Variants in HIKESHI observed in about 807,000 individuals in gnomAD.
HIKESHI encodes the protein heat shock protein nuclear import factor hikeshi.
In HIKESHI, 13 loss-of-function variants were observed where a neutral mutation model predicts 25.7. That is an observed-to-expected ratio of 0.51 (90% CI 0.33 to 0.80). HIKESHI has a LOEUF of 0.80. Ranked by LOEUF, HIKESHI falls within the 30% of genes least tolerant of loss-of-function variation. The probability of loss-of-function intolerance (pLI) is 0.02; values close to 1 mark genes in which losing one functional copy is unlikely to be tolerated. For missense variants in HIKESHI, 174 were observed against 229.5 expected (o/e 0.76, Z 1.56); for synonymous variants, 76 against 78.7 (o/e 0.97, Z 0.18).
chr11:86,341,126 G>T (rs1947714191), intron 3 of HIKESHI, among the ~76,000 whole-genome samples: 1 of 152,082 alleles, frequency 6.6e-6, no homozygotes, highest in Non-Finnish European at 1.5e-5. Flanking sequence ...TTCTGTTATA[G>T]ATGTTTTCTA....
At chr11:86,328,428 TTTTTTG>T (rs1260932959) in intron 2 of HIKESHI, among the ~76,000 whole-genome samples, 1 of 146,696 alleles carries the variant, frequency 6.8e-6, no homozygotes, top group Non-Finnish European at 1.5e-5. Context: ...GCAGCTAATG[TTTTTTG>T]TTTTTTTTTT....
At position 86,345,885 on chromosome 11, in the gene HIKESHI, T is replaced by G; in HGVS notation, c.*247T>G. The G allele has an allele frequency of 3.9e-6, 1 of 259,132 alleles. No individual in the cohort carries two copies. The highest frequency in any genetic ancestry group is 7.2e-6 in the Non-Finnish European group (1 of 138,954). 16.1% of individuals were successfully genotyped at this position (259,132 alleles called of 1,614,324 possible). ...CAAAGGCAAGACATTTTGTTTTGGC[T>G]ATGATTCATTTTTTTTACTTAAAAA... On this transcript the variant is annotated 3_prime_UTR_variant, in exon 5 of 5. Coordinates refer to ENST00000278483, the MANE Select transcript of HIKESHI (RefSeq NM_016401.4).
At chr11:86,320,437 G>A (rs141360059) in intron 2 of HIKESHI, among the ~76,000 whole-genome samples, 4,854 of 152,170 alleles carry the variant, frequency 0.032, 249 homozygotes, top group African/African-American at 0.11. Context: ...TTAGCTGGGC[G>A]TGCTGGCAGG....
intron 1 of HIKESHI, among the ~76,000 whole-genome samples, chr11:86,302,842 G>A (rs934887463): frequency 6.6e-6 from 1 of 152,160 alleles, no homozygotes; most frequent in African/African-American, 2.4e-5. Flanking sequence ...TGCAGTTACA[G>A]AACTAAGTTC....
chr11:86,323,711 G>C (rs291218), intron 2 of HIKESHI, among the ~76,000 whole-genome samples: 94,284 of 152,052 alleles, frequency 0.62, 29,426 homozygotes, highest in East Asian at 0.79. Flanking sequence ...CTTGTGACAC[G>C]TAAGAGATTG....
chr11:86,316,095 C>T (rs1349584530), intron 2 of HIKESHI, among the ~76,000 whole-genome samples: 1 of 95,500 alleles, frequency 1.0e-5, no homozygotes, highest in Non-Finnish European at 1.9e-5. Flanking sequence ...GATTGGGCAA[C>T]ATAGCAAGAC....
intron 3 of HIKESHI, among the ~76,000 whole-genome samples, 188 bp downstream of exon 3, chr11:86,337,718 C>T (rs1007576104): frequency 4.6e-5 from 7 of 152,120 alleles, no homozygotes; most frequent in Non-Finnish European, 7.4e-5. Context: ...AGTGCAGTGG[C>T]GCAATCTCGG....
At chr11:86,329,574 C>CTTTTTTTTTTTTTTTTTTTT (rs71040232) in intron 2 of HIKESHI, among the ~76,000 whole-genome samples, 3 of 143,878 alleles carry the variant, frequency 2.1e-5, no homozygotes, top group African/African-American at 2.6e-5. Flanking sequence ...CCTGTGATTT[C>CTTTTTTTTTTTTTTTTTTTT]TTTTTTTTTT....
chr11:86,310,651 G>A (rs1459280550), intron 2 of HIKESHI, among the ~76,000 whole-genome samples: 1 of 152,174 alleles, frequency 6.6e-6, no homozygotes, highest in African/African-American at 2.4e-5. Flanking sequence ...AGTTTTCAAA[G>A]GGAATGCTTC....
intron 3 of HIKESHI, among the ~76,000 whole-genome samples, chr11:86,338,653 A>T (rs1458709532): frequency 1.3e-5 from 2 of 152,204 alleles, no homozygotes; most frequent in African/African-American, 4.8e-5. Flanking sequence ...CGCACTTTTG[A>T]AGGTTGTGGT....
intron 1 of HIKESHI, among the ~76,000 whole-genome samples, chr11:86,304,293 A>G (rs117173770): frequency 1.1e-4 from 17 of 152,262 alleles, no homozygotes; most frequent in East Asian, 7.7e-4. Flanking sequence ...CTTACCTAAC[A>G]CACATATTTT....
In HIKESHI at chr11:86,328,906, TTGTG is replaced by T. The variant is rs139954147; in HGVS notation, c.269-8454_269-8451del. 3.0e-3 allele frequency among the ~76,000 whole-genome samples: 435 copies of T among 145,186 alleles called. 1 individual carries two copies. Among genetic ancestry groups the T allele is most frequent in the African/African-American group, 9.8e-3 (385 of 39,464 alleles). Reference sequence around the variant, plus strand: ...ATTTCTTTCCATTGTGTTTTGTGTTTTGTGTGTGTGTGTGTGTGTGTGCGCGCAC... The same window carrying T: ...ATTTCTTTCCATTGTGTTTTGTGTTTTGTGTGTGTGTGTGTGTGCGCGCAC... On this transcript the variant is annotated intron_variant, in intron 2 of 4. Transcript: ENST00000278483.
chr11:86,313,143 T>G (rs1178209106), intron 2 of HIKESHI, among the ~76,000 whole-genome samples: 1 of 152,256 alleles, frequency 6.6e-6, no homozygotes, highest in Non-Finnish European at 1.5e-5. Flanking sequence ...TGAAACTAGA[T>G]TCGGTGCCAT....
chr11:86,332,265 G>A (rs535819093), intron 2 of HIKESHI, among the ~76,000 whole-genome samples: 2 of 151,836 alleles, frequency 1.3e-5, no homozygotes, highest in African/African-American at 2.4e-5. Flanking sequence ...TGCCCGGCCC[G>A]TAACTGTTTT....
intron 2 of HIKESHI, among the ~76,000 whole-genome samples, chr11:86,328,925 T>C (rs922069439): frequency 3.2e-4 from 46 of 144,494 alleles, no homozygotes; most frequent in African/African-American, 1.2e-3. Flanking sequence ...TGTGTGTGTG[T>C]GTGCGCGCAC....
Position 86,337,371 on chromosome 11 carries a change from T to G in HIKESHI, c.269-8T>G. 1 of 1,610,090 alleles carries G rather than the reference T, an allele frequency of 6.2e-7. No homozygotes were observed. Among genetic ancestry groups the G allele is most frequent in the Non-Finnish European group, 8.5e-7 (1 of 1,178,656 alleles). The stretch of plus-strand genomic sequence containing the variant: ...TTGAAATGTGTGTCATATGTTAATT[T>G]CTTGCAGGAGAAGGAAGCCAACATC... On this transcript the variant is annotated splice_region_variant and splice_polypyrimidine_tract_variant and intron_variant, in intron 2 of 4. Coordinates refer to ENST00000278483, the MANE Select transcript of HIKESHI (RefSeq NM_016401.4).
At chr11:86,317,260 G>C (rs1947011954) in intron 2 of HIKESHI, among the ~76,000 whole-genome samples, 1 of 152,082 alleles carries the variant, frequency 6.6e-6, no homozygotes, top group Admixed American at 6.6e-5. Context: ...TTTCTAAGAG[G>C]TTCAGTGAGC....
At chr11:86,340,596 G>GTTGT (rs71274428) in intron 3 of HIKESHI, among the ~76,000 whole-genome samples, 107,234 of 151,572 alleles carry the variant, frequency 0.71, 38,267 homozygotes, top group East Asian at 0.82. Context: ...TTTTGATGGG[G>GTTGT]TTGTTTTTTT....
intron 2 of HIKESHI, among the ~76,000 whole-genome samples, chr11:86,317,719 C>T (rs566357265): frequency 1.3e-5 from 2 of 151,494 alleles, no homozygotes; most frequent in East Asian, 4.0e-4. Context: ...GTGGGAGAAT[C>T]GCTTGAGCCA....
Sources: gnomAD v4.1 joint callset for allele counts (sites outside exome capture counted in the v4.1 genomes callset) on GRCh38, gnomAD v4.1.1 for gene constraint, MANE v1.5 for transcripts, NCBI Gene and HGNC (gene_info 2026-07-23, HGNC 2026-07-21) for gene names.